SNX1: variants seen among roughly 807,000 people sequenced by gnomAD.
SNX1 encodes the protein sorting nexin 1, also known as sorting nexin-1.
SNX1 carries 36 observed loss-of-function variants against 71.8 expected under a neutral mutation model. The ratio of observed to expected loss-of-function variants is 0.50; its 90% confidence interval spans 0.38 to 0.66. The LOEUF is 0.66. SNX1 is among the 30% of genes least tolerant of loss of function. The pLI, the probability that SNX1 is intolerant of heterozygous loss-of-function variation, is 0.00. For synonymous variants in SNX1, 254 were observed against 240.7 expected (o/e 1.06, Z -0.51); for missense variants, 612 against 646.7 (o/e 0.95, Z 0.58).
chr15:64,138,325 C>CTTTT lies in SNX1; in HGVS notation c.*720_*723dup, dbSNP rs780446322. On this transcript the variant is annotated 3_prime_UTR_variant, in exon 15 of 15. Coordinates refer to ENST00000559844, the MANE Select transcript of SNX1 (RefSeq NM_003099.5). ...AAGGAGGCAGAGACTTTCTCTCTCT[C>CTTTT]TTTTTTTTTTTTTTTTGGTGTCCCT... 6.5e-5 allele frequency: 36 copies of CTTTT among 550,960 alleles called. No homozygotes were observed. Among genetic ancestry groups the CTTTT allele is most frequent in the South Asian group, 9.0e-5 (3 of 33,408 alleles). 34.1% of individuals were successfully genotyped at this position (550,960 alleles called of 1,614,324 possible).
rs1165078902 is a variant in SNX1 at position 64,108,930 on chromosome 15, G to A, written c.160-3643G>A. 5.9e-5 allele frequency among the ~76,000 whole-genome samples: 9 copies of A among 151,830 alleles called. No homozygotes were observed. In the East Asian group the frequency reaches 1.7e-3, roughly 29 times the overall value. On this transcript the variant is annotated intron_variant, in intron 1 of 14. Transcript: ENST00000559844. ...TTGAACCTCAGAGGTAGAGGTTGCAGTGAGCCGAGATCGCGCCATTGCATT... is the reference window on the plus strand; with the variant it reads ...TTGAACCTCAGAGGTAGAGGTTGCAATGAGCCGAGATCGCGCCATTGCATT...
chr15:64,142,774 G>A lies in SNX1; in HGVS notation c.*5156G>A. ...AGCTGGTGTGATCCCAGTATTCAGT[G>A]TCAGTACTCAGTGACAAAATAAATG... On this transcript the variant is annotated 3_prime_UTR_variant, in exon 15 of 15. Transcript: ENST00000559844. 1 of 429,488 alleles carries A rather than the reference G, an allele frequency of 2.3e-6. No individual in the cohort carries two copies. Among genetic ancestry groups the A allele is most frequent in the Non-Finnish European group, 4.7e-6 (1 of 213,114 alleles). 26.6% of individuals were successfully genotyped at this position (429,488 alleles called of 1,614,324 possible).
intron 1 of SNX1, among the ~76,000 whole-genome samples, chr15:64,103,345 C>A (rs372176339): frequency 6.6e-6 from 1 of 152,156 alleles, no homozygotes; most frequent in Non-Finnish European, 1.5e-5. Context: ...TCCCCTTTCT[C>A]CATATCCTTG....
At chr15:64,098,844 G>C (rs1038682144) in intron 1 of SNX1, among the ~76,000 whole-genome samples, 1 of 152,092 alleles carries the variant, frequency 6.6e-6, no homozygotes, top group African/African-American at 2.4e-5. Flanking sequence ...GAGTTGAGGA[G>C]GTCAGAATGA....
chr15:64,110,400 G>A (rs1225793353), intron 1 of SNX1, among the ~76,000 whole-genome samples: 4 of 152,002 alleles, frequency 2.6e-5, no homozygotes, highest in Non-Finnish European at 5.9e-5. Flanking sequence ...CACAGTTTGG[G>A]TTTGTTTTGT....
At chr15:64,136,991 C>G (rs961491846) in intron 14 of SNX1, 59 bp downstream of exon 14, 2 of 1,399,192 alleles carry the variant, frequency 1.4e-6, no homozygotes, top group African/African-American at 2.8e-5. Flanking sequence ...CCAGCTGCCT[C>G]CTCGGGGCTT....
Position 64,096,110 on chromosome 15 carries a change from G to C in SNX1, c.97G>C (p.Glu33Gln). 6.4e-7 allele frequency: 1 copy of C among 1,562,250 alleles called. No homozygotes were observed. Among genetic ancestry groups the C allele is most frequent in the Non-Finnish European group, 8.7e-7 (1 of 1,154,828 alleles). The change falls in exon 1 of 15, where the codon GAA (glutamate) becomes CAA (glutamine). Residue 33 changes from glutamate (E) to glutamine (Q), a missense_variant. Glu to Gln is a conservative substitution (Grantham distance 29). Coordinates refer to ENST00000559844, the MANE Select transcript of SNX1 (RefSeq NM_003099.5). Reference sequence around the variant, plus strand: ...GTCCGAGGGGGCGGCCGGGGGATCAGAACCCGAGGCTGGGGACAGCGACAC... The same window carrying C: ...GTCCGAGGGGGCGGCCGGGGGATCACAACCCGAGGCTGGGGACAGCGACAC... ...PESEGAAGGS[E>Q]PEAGDSDTEG...
At chr15:64,098,309 ACT>A (rs2080923766) in intron 1 of SNX1, among the ~76,000 whole-genome samples, 1 of 152,218 alleles carries the variant, frequency 6.6e-6, no homozygotes. Flanking sequence ...GAAAACAGAA[ACT>A]CTGACACTGA....
At chr15:64,115,967 C>T (rs1385466594) in intron 2 of SNX1, among the ~76,000 whole-genome samples, 1 of 152,170 alleles carries the variant, frequency 6.6e-6, no homozygotes, top group African/African-American at 2.4e-5. Context: ...AATATGCTAA[C>T]ATGTTCATTA....
chr15:64,121,945 G>A (rs2081200583), intron 4 of SNX1, among the ~76,000 whole-genome samples: 1 of 152,116 alleles, frequency 6.6e-6, no homozygotes, highest in African/African-American at 2.4e-5. Context: ...TAGAGCCTTG[G>A]TAATTTGCAT....
intron 1 of SNX1, among the ~76,000 whole-genome samples, chr15:64,106,046 T>G (rs924173014): frequency 6.6e-6 from 1 of 152,164 alleles, no homozygotes; most frequent in African/African-American, 2.4e-5. Flanking sequence ...ATTAAAATGA[T>G]TTTACATTAA....
chr15:64,121,389 C>A (rs1220824419), intron 4 of SNX1, among the ~76,000 whole-genome samples: 4 of 152,210 alleles, frequency 2.6e-5, no homozygotes, highest in African/African-American at 7.2e-5. Flanking sequence ...CTCAGGCCTT[C>A]CTCGGCTTGT....
intron 1 of SNX1, among the ~76,000 whole-genome samples, chr15:64,109,050 A>G (rs2081051829): frequency 6.6e-6 from 1 of 151,258 alleles, no homozygotes; most frequent in Admixed American, 6.6e-5. Flanking sequence ...TGCGAGAGAA[A>G]GGGTTAACAT....
chr15:64,130,356 A>G (rs778508774), intron 10 of SNX1, 35 bp downstream of exon 10: 30 of 1,549,442 alleles, frequency 1.9e-5, no homozygotes, highest in Non-Finnish European at 2.4e-5. Flanking sequence ...GAGCTAGGGG[A>G]AATTGTTGTC....
In SNX1 at chr15:64,138,106, A is replaced by C. The variant is rs1342196211; in HGVS notation, c.*488A>C. On this transcript the variant is annotated 3_prime_UTR_variant, in exon 15 of 15. Transcript: ENST00000559844. ...ACCAAGAAGTTGCCCAGGTATAGTAAGTTTTTCTCTACCGTTCACAAGTTT... is the reference window on the plus strand; with the variant it reads ...ACCAAGAAGTTGCCCAGGTATAGTACGTTTTTCTCTACCGTTCACAAGTTT... 1.3e-6 allele frequency: 2 copies of C among 1,535,774 alleles called. No individual in the cohort carries two copies. The highest frequency in any genetic ancestry group is 3.9e-5 in the Admixed American group (2 of 50,954).
chr15:64,106,014 T>G (rs1490360555), intron 1 of SNX1, among the ~76,000 whole-genome samples: 1 of 152,226 alleles, frequency 6.6e-6, no homozygotes, highest in Non-Finnish European at 1.5e-5. Flanking sequence ...AAACCAATTA[T>G]ATTGAAATTC....
chr15:64,099,145 A>G (rs1246922696), intron 1 of SNX1, among the ~76,000 whole-genome samples: 1 of 152,232 alleles, frequency 6.6e-6, no homozygotes, highest in Non-Finnish European at 1.5e-5. Context: ...TTAAGTAATT[A>G]AGAGTGTGGG....
At position 64,138,088 on chromosome 15, in the gene SNX1, A is replaced by C; in HGVS notation, c.*470A>C. On this transcript the variant is annotated 3_prime_UTR_variant, in exon 15 of 15. Transcript: ENST00000559844. ...AGGTCTGGAATACTCCTAACCAAGA[A>C]GTTGCCCAGGTATAGTAAGTTTTTC... is the stretch of plus-strand genomic sequence containing the variant. 6.5e-7 allele frequency: 1 copy of C among 1,535,926 alleles called. No individual in the cohort carries two copies. Among genetic ancestry groups the C allele is most frequent in the Non-Finnish European group, 8.7e-7 (1 of 1,146,862 alleles).
intron 1 of SNX1, among the ~76,000 whole-genome samples, chr15:64,107,319 G>C (rs1472988810): frequency 2.6e-5 from 4 of 152,170 alleles, no homozygotes; most frequent in Non-Finnish European, 5.9e-5. Flanking sequence ...GTAATGTAAG[G>C]GTTCTGTGTG....
Sources: allele counts gnomAD v4.1 joint callset (sites outside exome capture counted in the v4.1 genomes callset), GRCh38; gene constraint gnomAD v4.1.1; transcripts MANE v1.5; gene names NCBI Gene and HGNC (gene_info 2026-07-23, HGNC 2026-07-21).